Variants in CEP104 observed in about 807,000 individuals in gnomAD.
CEP104 encodes the protein centrosomal protein 104.
Under a neutral mutation model 113.3 loss-of-function variants are expected in CEP104, and 84 were observed. The observed-to-expected ratio is 0.74, with a 90% CI of 0.62 to 0.89. The LOEUF (loss-of-function observed/expected upper bound fraction) is 0.89, where lower values mean the gene tolerates loss of function less well. Among genes scored for constraint, CEP104 ranks in the 40% least tolerant of loss-of-function variants. CEP104 has a pLI of 0.00. For missense variants in CEP104, 1,053 were observed against 1,156.6 expected (o/e 0.91, Z 1.30); for synonymous variants, 378 against 421.7 (o/e 0.90, Z 1.27).
chr1:3,815,648 A>T, intron 21 of CEP104, 131 bp from the exon 22 acceptor site: 1 of 624,292 alleles, frequency 1.6e-6, no homozygotes, highest in Non-Finnish European at 2.7e-6. Context: ...CGACTACAGG[A>T]GCCAGGGCTG....
At chr1:3,849,988 C>T (rs1644580704) in intron 2 of CEP104, among the ~76,000 whole-genome samples, 1 of 152,212 alleles carries the variant, frequency 6.6e-6, no homozygotes, top group South Asian at 2.1e-4. Flanking sequence ...ATACAGATAC[C>T]TACTTGTGTT....
In CEP104 at chr1:3,815,075, T is replaced by C; in HGVS notation, c.*327A>G. ...ACCGTGCCTGTGCTGACCGTGGCCT[T>C]GCGCGAGCGCCTCCCGGCGGTGCTC... On this transcript the variant is annotated 3_prime_UTR_variant, in exon 22 of 22. Transcript: ENST00000378230. 1 of 255,448 alleles carries C rather than the reference T, an allele frequency of 3.9e-6. No homozygotes were observed. The highest frequency in any genetic ancestry group is 6.7e-6 in the Non-Finnish European group (1 of 149,798). 15.8% of individuals were successfully genotyped at this position (255,448 alleles called of 1,614,324 possible).
chr1:3,841,089 C>T (rs998612202), intron 6 of CEP104, among the ~76,000 whole-genome samples: 2 of 152,230 alleles, frequency 1.3e-5, no homozygotes, highest in South Asian at 2.1e-4. Flanking sequence ...CACCAAGCAA[C>T]GAGAGGATGA....
chr1:3,844,772 C>T (rs1644476754), intron 6 of CEP104, 135 bp downstream of exon 6: 1 of 520,422 alleles, frequency 1.9e-6, no homozygotes, highest in South Asian at 2.5e-5. Context: ...AAATTTCAGA[C>T]AATCCAATCA....
rs1644487586 is a variant in CEP104, at chr1:3,845,315, C to T, written c.463G>A (p.Ala155Thr). The T allele has an allele frequency of 6.2e-7, 1 of 1,609,190 alleles. No individual in the cohort carries two copies. The highest frequency in any genetic ancestry group is 1.1e-5 in the South Asian group (1 of 90,574). The change falls in exon 5 of 22, where the codon GCA (alanine) becomes ACA (threonine). Residue 155 changes from alanine (A) to threonine (T), a missense_variant. By Grantham distance (58) the Ala-to-Thr change is moderately conservative. Coordinates refer to ENST00000378230, the MANE Select transcript of CEP104 (RefSeq NM_014704.4). ...GTATTGCTTTCATCACTGAAATCTG[C>T]AGGGTCTCCAATGATATTTATGGCA... Reference protein sequence around the residue: ...LVAINIIGDPADFSDESNTAS... With the variant: ...LVAINIIGDPTDFSDESNTAS...
At chr1:3,837,855 A>G (rs1247616460) in intron 8 of CEP104, among the ~76,000 whole-genome samples, 1 of 152,230 alleles carries the variant, frequency 6.6e-6, no homozygotes, top group Non-Finnish European at 1.5e-5. Context: ...GGTGTGGAGA[A>G]AGCACCTGGG....
chr1:3,833,889 G>A lies in CEP104; in HGVS notation c.1632C>T (p.Leu544=). Residue 544 remains leucine (L), a synonymous_variant, in exon 12 of 22, where the codon CTC becomes CTT. Transcript: ENST00000378230. ...GAATAAAATTTGCAGCTGTGACGCG[G>A]AGGCGGGCAGAAGAATCTCCAGTTC... ...LTRTGDSSAR[L]RVTAANFIQE... 1 of 1,614,240 alleles carries A rather than the reference G, an allele frequency of 6.2e-7. No homozygotes were observed. The highest frequency in any genetic ancestry group is 1.1e-5 in the South Asian group (1 of 91,088).
In CEP104 at chr1:3,823,451, T is replaced by C. The variant is rs1377860779; in HGVS notation, c.2476A>G (p.Arg826Gly). Residue 826 changes from arginine (R) to glycine (G), a missense_variant, in exon 19 of 22, where the codon AGA (arginine) becomes GGA (glycine). Coordinates refer to ENST00000378230, the MANE Select transcript of CEP104 (RefSeq NM_014704.4). This position sits in a 1 kb window ranked among gnomAD's most constrained non-coding sequence, Gnocchi z 4.1. ...SEAVFKEELPRHIKHKDCNPA... is the reference protein window; with the variant it reads ...SEAVFKEELPGHIKHKDCNPA... ...TTGCAATCCTTGTGTTTTATGTGTC[T>C]GGGCAGCTCTTCCTTGAAAACAGCC... 25 of 1,614,248 alleles carry C rather than the reference T, an allele frequency of 1.5e-5. No homozygotes were observed. The highest frequency in any genetic ancestry group is 2.1e-5 in the Non-Finnish European group (25 of 1,180,034).
At chr1:3,815,926 A>C (rs1367984404) in intron 21 of CEP104, among the ~76,000 whole-genome samples, 2 of 152,130 alleles carry the variant, frequency 1.3e-5, no homozygotes, top group African/African-American at 4.8e-5. Flanking sequence ...TGCCTGCCTT[A>C]GCCCCCAAAG....
chr1:3,843,083 C>A, intron 6 of CEP104: 1 of 565,094 alleles, frequency 1.8e-6, no homozygotes, highest in South Asian at 2.2e-5. Flanking sequence ...ACATAACGCT[C>A]AGCCTAAAAA....
In CEP104 at chr1:3,813,954, A is replaced by G. The variant is rs1412931785; in HGVS notation, c.*1448T>C. On this transcript the variant is annotated 3_prime_UTR_variant, in exon 22 of 22. Coordinates refer to ENST00000378230, the MANE Select transcript of CEP104 (RefSeq NM_014704.4). ...AGTCAACCAGAGGTATTAGTTTACC[A>G]AACGTGGAGATTAATTCATGCAAAT... is the stretch of plus-strand genomic sequence containing the variant. 1 of 152,194 alleles carries G rather than the reference A, an allele frequency of 6.6e-6. No individual in the cohort carries two copies. The highest frequency in any genetic ancestry group is 2.4e-5 in the African/African-American group (1 of 41,444). The allele number at this position is 152,194 out of a possible 1,614,324, so 9.4% of individuals were successfully genotyped here.
chr1:3,836,786 T>A, intron 9 of CEP104, 94 bp from the exon 10 acceptor site: 1 of 1,021,876 alleles, frequency 9.8e-7, no homozygotes, highest in Non-Finnish European at 1.5e-6. Context: ...TGCGCTTACT[T>A]ACCTGATCTG....
intron 12 of CEP104, 126 bp downstream of exon 12, chr1:3,833,735 TG>T: frequency 2.4e-6 from 2 of 850,554 alleles, no homozygotes; most frequent in Non-Finnish European, 3.6e-6. Context: ...GAAAGTGTGA[TG>T]GTGAATCCCT....
chr1:3,815,150 C>CCG lies in CEP104; in HGVS notation c.*251_*252insCG. On this transcript the variant is annotated 3_prime_UTR_variant, in exon 22 of 22. Transcript: ENST00000378230. The stretch of plus-strand genomic sequence containing the variant: ...TTCCTTCTCTGATTCTAAGGAAGGC[C>CCG]TGAGACAGCCCTGAAGGCTTAATGT... The CCG allele has an allele frequency of 2.1e-6, 1 of 485,642 alleles. No individual in the cohort carries two copies. The highest frequency in any genetic ancestry group is 3.7e-6 in the Non-Finnish European group (1 of 271,822). The allele number at this position is 485,642 out of a possible 1,614,324, so 30.1% of individuals were successfully genotyped here.
At chr1:3,845,203 T>C in intron 5 of CEP104, 86 bp downstream of exon 5, 12 of 1,000,436 alleles carry the variant, frequency 1.2e-5, no homozygotes, top group Non-Finnish European at 1.8e-5. Flanking sequence ...ATTATAAAAA[T>C]GACACATTTT....
intron 15 of CEP104, among the ~76,000 whole-genome samples, chr1:3,828,967 G>C (rs1416246239): frequency 3.3e-5 from 5 of 152,102 alleles, no homozygotes. Context: ...AAGGTGGCTG[G>C]AGAGCTGTGG....
At chr1:3,855,715 T>C (rs1219947113) in intron 1 of CEP104, among the ~76,000 whole-genome samples, 1 of 152,144 alleles carries the variant, frequency 6.6e-6, no homozygotes, top group East Asian at 1.9e-4. Context: ...CTTCCAGTTG[T>C]ACCCTAGGGT....
At chr1:3,826,833 C>A in intron 15 of CEP104, 89 bp from the exon 16 acceptor site, 1 of 1,356,398 alleles carries the variant, frequency 7.4e-7, no homozygotes, top group Non-Finnish European at 1.0e-6. Context: ...ATCACGAAAG[C>A]ACATTTCTGG....
chr1:3,816,684 A>G (rs181283661), intron 20 of CEP104, among the ~76,000 whole-genome samples: 2 of 152,378 alleles, frequency 1.3e-5, no homozygotes, highest in East Asian at 3.9e-4. Context: ...CGCAAATGCA[A>G]GGGTGAGAAG....
Sources: gnomAD v4.1 joint callset for allele counts (sites outside exome capture counted in the v4.1 genomes callset) on GRCh38, gnomAD v4.1.1 for gene constraint, Gnocchi (gnomAD v3.1) non-coding constraint, MANE v1.5 for transcripts, NCBI Gene and HGNC (gene_info 2026-07-23, HGNC 2026-07-21) for gene names.